GLT1D1: variants seen among roughly 807,000 people sequenced by gnomAD.
GLT1D1 encodes the protein glycosyltransferase 1 domain containing 1.
Under a neutral mutation model 28.7 loss-of-function variants are expected in GLT1D1, and 21 were observed. The observed-to-expected ratio is 0.73, with a 90% CI of 0.52 to 1.05. The LOEUF is 1.05. Ranked by LOEUF, GLT1D1 falls within the 50% of genes least tolerant of loss-of-function variation. GLT1D1 has a pLI of 0.00. For missense variants in GLT1D1, 343 were observed against 330.6 expected (o/e 1.04, Z -0.29); for synonymous variants, 147 against 124.8 (o/e 1.18, Z -1.19).
chr12:128,866,870 TTCGGCCTCCC>T (rs1956541560), intron 1 of GLT1D1, among the ~76,000 whole-genome samples: 1 of 150,264 alleles, frequency 6.7e-6, no homozygotes, highest in South Asian at 2.1e-4. Flanking sequence ...ATCCACCCAA[TTCGGCCTCCC>T]AAAGTGCTGG....
chr12:128,919,285 C>T (rs934422728), intron 4 of GLT1D1, among the ~76,000 whole-genome samples: 10 of 152,174 alleles, frequency 6.6e-5, no homozygotes, highest in African/African-American at 2.4e-4. Flanking sequence ...AGTTGGTAGA[C>T]ACTATTAGTG....
chr12:128,941,505 C>T (rs1875231865), intron 4 of GLT1D1, among the ~76,000 whole-genome samples: 1 of 151,950 alleles, frequency 6.6e-6, no homozygotes, highest in African/African-American at 2.4e-5. Context: ...GCCATACAGG[C>T]TCCTAACCAG....
At chr12:128,982,908 C>T (rs1225916749) in intron 7 of GLT1D1, 21 bp from the exon 12 acceptor site, 1 of 1,612,590 alleles carries the variant, frequency 6.2e-7, no homozygotes, top group Non-Finnish European at 8.5e-7. Context: ...TTTATGTCTA[C>T]TTCTCCTTCC....
intron 4 of GLT1D1, chr12:128,945,125 T>C (rs759555337): frequency 5.5e-6 from 4 of 728,284 alleles, no homozygotes; most frequent in Non-Finnish European, 1.0e-5. Context: ...AAGTATTGAG[T>C]GATACGCGAC....
chr12:128,932,760 G>A (rs940030984), intron 4 of GLT1D1, among the ~76,000 whole-genome samples: 35 of 152,152 alleles, frequency 2.3e-4, no homozygotes, highest in African/African-American at 8.0e-4. Flanking sequence ...GCCTTTAGCA[G>A]AGGCGAAGGC....
At chr12:128,972,427 C>A (rs913758295) in intron 7 of GLT1D1, among the ~76,000 whole-genome samples, 1 of 152,204 alleles carries the variant, frequency 6.6e-6, no homozygotes, top group Non-Finnish European at 1.5e-5. Flanking sequence ...GGCTGGAACC[C>A]AGTTACATCA....
At chr12:128,923,522 T>C (rs537540699) in intron 4 of GLT1D1, among the ~76,000 whole-genome samples, 1 of 151,490 alleles carries the variant, frequency 6.6e-6, no homozygotes, top group Non-Finnish European at 1.5e-5. Context: ...TCACTTTTTT[T>C]CTTTTCTTTT....
chr12:128,915,818 T>G (rs1040558995), intron 4 of GLT1D1, among the ~76,000 whole-genome samples: 27 of 152,236 alleles, frequency 1.8e-4, no homozygotes, highest in Non-Finnish European at 4.0e-4. Flanking sequence ...CTGCCTTCTT[T>G]GCTCATTATG....
intron 3 of GLT1D1, among the ~76,000 whole-genome samples, chr12:128,894,241 G>C (rs1227710534): frequency 1.3e-5 from 2 of 152,128 alleles, no homozygotes; most frequent in Non-Finnish European, 2.9e-5. Context: ...CCTTCAGTAG[G>C]GGACCTGTGA....
chr12:128,917,694 A>C (rs139161345), intron 4 of GLT1D1, among the ~76,000 whole-genome samples: 1 of 152,334 alleles, frequency 6.6e-6, no homozygotes, highest in East Asian at 1.9e-4. Flanking sequence ...AAGAAGACAT[A>C]CATGCAGCCA....
chr12:128,897,858 C>A (rs139679027), intron 3 of GLT1D1, among the ~76,000 whole-genome samples: 1 of 151,724 alleles, frequency 6.6e-6, no homozygotes, highest in Non-Finnish European at 1.5e-5. Flanking sequence ...TTAGTAGAGA[C>A]GGGGTTTCAC....
At chr12:128,874,747 G>A (rs1486452463) in intron 1 of GLT1D1, among the ~76,000 whole-genome samples, 1 of 152,184 alleles carries the variant, frequency 6.6e-6, no homozygotes, top group East Asian at 1.9e-4. Flanking sequence ...AACTCTCAAA[G>A]TGCTGGGATT....
At chr12:128,974,967 C>G (rs1879622948) in intron 7 of GLT1D1, among the ~76,000 whole-genome samples, 1 of 152,234 alleles carries the variant, frequency 6.6e-6, no homozygotes, top group African/African-American at 2.4e-5. Context: ...CTCCCCTCCA[C>G]CAGCAGTGAA....
chr12:128,874,723 A>G (rs1263057924), intron 1 of GLT1D1, among the ~76,000 whole-genome samples: 5 of 152,082 alleles, frequency 3.3e-5, no homozygotes, highest in African/African-American at 1.2e-4. Context: ...GGCTCAAGCA[A>G]TCTGTCTGCC....
Position 128,921,680 on chromosome 12 carries a change from T to G in GLT1D1, c.375+22393T>G, listed in dbSNP as rs558928259. Among the ~76,000 whole-genome samples the G allele has an allele frequency of 1.6e-3, 238 of 152,202 alleles. 1 individual carries two copies. The highest frequency in any genetic ancestry group is 5.5e-3 in the African/African-American group (230 of 41,522). On this transcript the variant is annotated intron_variant, in intron 4 of 7. Transcript: ENST00000281703. ...GGACGGGGGTAGTTGGAGGGCCACT[T>G]TTTTACAGCCTGTGTGACCAAAATG...
At chr12:128,855,601 C>T (rs1956197554) in intron 1 of GLT1D1, among the ~76,000 whole-genome samples, 1 of 151,906 alleles carries the variant, frequency 6.6e-6, no homozygotes, top group African/African-American at 2.4e-5. Context: ...AGGTCCTGAT[C>T]CAGAACCCGA....
At chr12:128,865,540 A>C (rs1956491558) in intron 1 of GLT1D1, among the ~76,000 whole-genome samples, 1 of 152,140 alleles carries the variant, frequency 6.6e-6, no homozygotes. Flanking sequence ...AAAACAACAC[A>C]GGCCGGGCCC....
rs1422087562 is a variant in GLT1D1 at position 128,983,678 on chromosome 12, G to A, written c.*588G>A. On this transcript the variant is annotated 3_prime_UTR_variant, in exon 8 of 8. Coordinates refer to ENST00000281703, the MANE Select transcript of GLT1D1 (RefSeq NM_144669.3). This position sits in a 1 kb window ranked among gnomAD's most constrained non-coding sequence, Gnocchi z 4.7. Reference sequence around the variant, plus strand: ...TTTCAATGGTGGAATTGAAAGTTGTGCTTTTTAGAAAAGTGGCCAGGCTGC... The same window carrying A: ...TTTCAATGGTGGAATTGAAAGTTGTACTTTTTAGAAAAGTGGCCAGGCTGC... The A allele has an allele frequency of 1.3e-5, 2 of 152,400 alleles. No homozygotes were observed. The highest frequency in any genetic ancestry group is 3.9e-4 in the East Asian group (2 of 5,178). The allele number at this position is 152,400 out of a possible 1,614,324, so 9.4% of individuals were successfully genotyped here.
At chr12:128,868,209 G>C (rs1956595355) in intron 1 of GLT1D1, among the ~76,000 whole-genome samples, 1 of 152,190 alleles carries the variant, frequency 6.6e-6, no homozygotes, top group Non-Finnish European at 1.5e-5. Context: ...AGCCCCTCCT[G>C]GGTCTCCCTG....
Sources: allele counts gnomAD v4.1 joint callset (sites outside exome capture counted in the v4.1 genomes callset), GRCh38; gene constraint gnomAD v4.1.1; non-coding constraint Gnocchi (gnomAD v3.1); transcripts MANE v1.5; gene names NCBI Gene and HGNC (gene_info 2026-07-23, HGNC 2026-07-21).